TMED3: variants seen among roughly 807,000 people sequenced by gnomAD.
TMED3 encodes transmembrane p24 trafficking protein 3.
Under a neutral mutation model 15.0 loss-of-function variants are expected in TMED3, and 9 were observed. The ratio of observed to expected loss-of-function variants is 0.60; its 90% CI spans 0.36 to 1.04. TMED3 has a LOEUF of 1.04. Ranked by LOEUF, TMED3 falls within the 50% of genes least tolerant of loss-of-function variation. TMED3 has a pLI of 0.01. For missense variants in TMED3, 267 were observed against 278.9 expected (o/e 0.96, Z 0.30); for synonymous variants, 117 against 121.4 (o/e 0.96, Z 0.24).
In TMED3 at chr15:79,322,515, G is replaced by C; in HGVS notation, c.*301G>C. 8.3e-7 allele frequency: 1 copy of C among 1,200,960 alleles called. No homozygotes were observed. Among genetic ancestry groups the C allele is most frequent in the Non-Finnish European group, 1.0e-6 (1 of 964,048 alleles). The allele number at this position is 1,200,960 out of a possible 1,614,324, so 74.4% of individuals were successfully genotyped here. Reference sequence around the variant, plus strand: ...GCAATGGTTCAGTGGCCTGGCTGTTGGCAGGAACTCCAAGTGCCCAGGCCT... The same window carrying C: ...GCAATGGTTCAGTGGCCTGGCTGTTCGCAGGAACTCCAAGTGCCCAGGCCT... On this transcript the variant is annotated 3_prime_UTR_variant, in exon 3 of 3. Transcript: ENST00000299705.
At chr15:79,318,721 A>T (rs538759382) in intron 2 of TMED3, among the ~76,000 whole-genome samples, 1 of 152,330 alleles carries the variant, frequency 6.6e-6, no homozygotes, top group South Asian at 2.1e-4. Context: ...GTCCTGTTCC[A>T]TCTGTGACAG....
At chr15:79,409,863 G>A (rs1019814564) in intron 2 of TMED3, among the ~76,000 whole-genome samples, 7 of 152,114 alleles carry the variant, frequency 4.6e-5, no homozygotes, top group Non-Finnish European at 1.0e-4. Context: ...TCATTTTGCT[G>A]TTCTGAGCCC....
chr15:79,318,826 C>T (rs947558099), intron 2 of TMED3, among the ~76,000 whole-genome samples: 3 of 152,214 alleles, frequency 2.0e-5, no homozygotes, highest in Admixed American at 2.0e-4. Flanking sequence ...AGGCCTACAC[C>T]TGAGCTTTCT....
chr15:79,403,281 C>T (rs1893860163), intron 2 of TMED3, among the ~76,000 whole-genome samples: 1 of 126,560 alleles, frequency 7.9e-6, no homozygotes, highest in African/African-American at 3.1e-5. Flanking sequence ...GTCAGCAGAA[C>T]AAGCTACAGT....
At chr15:79,374,598 A>G (rs755308197) in intron 2 of TMED3, among the ~76,000 whole-genome samples, 5 of 152,228 alleles carry the variant, frequency 3.3e-5, no homozygotes, top group Admixed American at 6.5e-5. Context: ...AAAAATGCAT[A>G]AAGTCAAGAT....
At chr15:79,315,744 C>G (rs1172779385) in intron 2 of TMED3, among the ~76,000 whole-genome samples, 1 of 152,198 alleles carries the variant, frequency 6.6e-6, no homozygotes, top group Non-Finnish European at 1.5e-5. Flanking sequence ...CTTCTCTTAC[C>G]CCGCCACCTT....
chr15:79,351,647 A>G (rs184597212), intron 2 of TMED3, among the ~76,000 whole-genome samples: 14 of 152,314 alleles, frequency 9.2e-5, no homozygotes, highest in Non-Finnish European at 1.9e-4. Context: ...TAGTGCAACC[A>G]CTATGGAAAG....
intron 2 of TMED3, among the ~76,000 whole-genome samples, chr15:79,352,673 AAT>A (rs1555422864): frequency 7.1e-6 from 1 of 141,734 alleles, no homozygotes; most frequent in Non-Finnish European, 1.5e-5. Flanking sequence ...AGAAAAAAAA[AAT>A]ATATATATAT....
intron 2 of TMED3, among the ~76,000 whole-genome samples, chr15:79,353,190 T>TAAAATATATATTATAC (rs1595897193): frequency 1.9e-5 from 1 of 53,260 alleles, no homozygotes; most frequent in Admixed American, 3.3e-4. Context: ...ATAAAATATA[T>TAAAATATATATTATAC]ATAATATATA....
intron 2 of TMED3, among the ~76,000 whole-genome samples, chr15:79,362,291 T>C (rs1372934486): frequency 7.4e-6 from 1 of 135,334 alleles, no homozygotes; most frequent in African/African-American, 2.7e-5. Context: ...TATAGTGTGA[T>C]CTTGCCTCTA....
At chr15:79,338,873 A>G (rs2058838081) in intron 2 of TMED3, among the ~76,000 whole-genome samples, 1 of 152,146 alleles carries the variant, frequency 6.6e-6, no homozygotes. Flanking sequence ...CGTAAGTGTC[A>G]AGGAAAAACA....
At chr15:79,316,464 T>G (rs4779072) in intron 2 of TMED3, among the ~76,000 whole-genome samples, 150,347 of 152,340 alleles carry the variant, frequency 0.99, 74,226 homozygotes, top group East Asian at 1. Context: ...AGTGCTCTGA[T>G]GCCAGCTTCT....
exon 3 of TMED3, chr15:79,413,573 C>T (rs1157482885): frequency 6.6e-6 from 1 of 152,240 alleles, no homozygotes; most frequent in Non-Finnish European, 1.5e-5. Context: ...AAACCTTGGC[C>T]TTGTCCCAAT....
intron 2 of TMED3, among the ~76,000 whole-genome samples, chr15:79,400,270 A>G: frequency 6.6e-6 from 1 of 152,064 alleles, no homozygotes; most frequent in Non-Finnish European, 1.5e-5. Context: ...TCCCTTATCC[A>G]AATCAGTCAC....
intron 2 of TMED3, among the ~76,000 whole-genome samples, chr15:79,398,902 TTTTG>T (rs900937073): frequency 1.4e-3 from 208 of 152,250 alleles, no homozygotes; most frequent in African/African-American, 4.8e-3. Context: ...TTTAAATGTT[TTTTG>T]TTTGTTTGTT....
At chr15:79,383,139 A>G in intron 2 of TMED3, 1 of 963,694 alleles carries the variant, frequency 1.0e-6, no homozygotes, top group Non-Finnish European at 1.6e-6. Flanking sequence ...GGTGCACTTC[A>G]CTTCCTGCCT....
chr15:79,315,947 A>G (rs2058738705), intron 2 of TMED3: 1 of 152,292 alleles, frequency 6.6e-6, no homozygotes, highest in Non-Finnish European at 1.5e-5. Flanking sequence ...TTGAGGAGGC[A>G]CTGATGAATT....
intron 2 of TMED3, among the ~76,000 whole-genome samples, chr15:79,342,057 T>A (rs1567027792): frequency 6.6e-6 from 1 of 152,068 alleles, no homozygotes; most frequent in East Asian, 1.9e-4. Context: ...AAAACGTGGA[T>A]GGGGGCAGAT....
chr15:79,390,086 C>T (rs2141253286), intron 2 of TMED3, among the ~76,000 whole-genome samples: 1 of 152,212 alleles, frequency 6.6e-6, no homozygotes, highest in East Asian at 1.9e-4. Flanking sequence ...TTATTTCTTT[C>T]TCTTGTCTGA....
Sources: gnomAD v4.1 joint callset for allele counts (sites outside exome capture counted in the v4.1 genomes callset) on GRCh38, gnomAD v4.1.1 for gene constraint, MANE v1.5 for transcripts, NCBI Gene and HGNC (gene_info 2026-07-23, HGNC 2026-07-21) for gene names.